Variants in PTPRD observed in about 807,000 individuals in gnomAD.
PTPRD encodes the protein receptor-type tyrosine-protein phosphatase delta.
A neutral mutation model predicts 214.5 loss-of-function variants in PTPRD; 34 were observed. The observed-to-expected ratio is 0.16, with a 90% CI of 0.12 to 0.21. The LOEUF (loss-of-function observed/expected upper bound fraction) is 0.21. Among genes scored for constraint, PTPRD ranks in the 10% least tolerant of loss-of-function variants. PTPRD has a pLI of 1.00. For missense variants in PTPRD, 2,545 were observed against 2,398.7 expected (o/e 1.06, Z -1.27); for synonymous variants, 1,128 against 845.7 (o/e 1.33, Z -5.79).
intron 8 of PTPRD, among the ~76,000 whole-genome samples, chr9:9,515,765 A>T (rs1409322335): frequency 6.6e-6 from 1 of 152,014 alleles, no homozygotes; most frequent in East Asian, 1.9e-4. Flanking sequence ...AAAAAGTTTG[A>T]TGTTCTTAAG....
At chr9:8,705,108 G>A (rs1318012488) in intron 12 of PTPRD, among the ~76,000 whole-genome samples, 2 of 151,874 alleles carry the variant, frequency 1.3e-5, no homozygotes, top group African/African-American at 4.8e-5. Context: ...TTAAAAAAAG[G>A]GCTCAGTGTT....
At chr9:10,598,714 G>GTGTGGTGTT (rs1056104594) in intron 2 of PTPRD, among the ~76,000 whole-genome samples, 9 of 66,322 alleles carry the variant, frequency 1.4e-4, no homozygotes, top group African/African-American at 3.3e-4. Flanking sequence ...GGTGTGTGGT[G>GTGTGGTGTT]TGTGTGTGTG....
intron 2 of PTPRD, among the ~76,000 whole-genome samples, chr9:10,530,443 T>C (rs888354124): frequency 6.6e-6 from 1 of 152,194 alleles, no homozygotes; most frequent in Non-Finnish European, 1.5e-5. Flanking sequence ...TTGCAAAAAG[T>C]ACATTTTTTT....
At chr9:10,570,464 C>T (rs1018822182) in intron 2 of PTPRD, among the ~76,000 whole-genome samples, 1 of 152,048 alleles carries the variant, frequency 6.6e-6, no homozygotes, top group Non-Finnish European at 1.5e-5. Context: ...ATTGAAAGGA[C>T]AGATATTGAT....
At chr9:10,152,611 A>T (rs2099068255) in intron 3 of PTPRD, among the ~76,000 whole-genome samples, 1 of 152,174 alleles carries the variant, frequency 6.6e-6, no homozygotes, top group African/African-American at 2.4e-5. Flanking sequence ...GGATCACCTG[A>T]GGTCAGGAGT....
At chr9:10,500,208 G>A (rs2043240062) in intron 2 of PTPRD, among the ~76,000 whole-genome samples, 1 of 151,722 alleles carries the variant, frequency 6.6e-6, no homozygotes, top group African/African-American at 2.4e-5. Flanking sequence ...CATTCTGTAG[G>A]TCAGTAAACT....
chr9:10,574,903 C>CA (rs2068715315), intron 2 of PTPRD, among the ~76,000 whole-genome samples: 1 of 149,562 alleles, frequency 6.7e-6, no homozygotes, highest in African/African-American at 2.5e-5. Context: ...CATTTGTCTA[C>CA]AAAAAAGAAT....
intron 12 of PTPRD, among the ~76,000 whole-genome samples, chr9:8,637,849 C>T (rs565417418): frequency 1.6e-4 from 25 of 152,058 alleles, no homozygotes; most frequent in Non-Finnish European, 3.2e-4. Flanking sequence ...TATCATACCA[C>T]ATGAGAAATG....
chr9:9,713,431 C>G (rs80082068), intron 7 of PTPRD, among the ~76,000 whole-genome samples: 2 of 151,894 alleles, frequency 1.3e-5, no homozygotes, highest in East Asian at 1.9e-4. Context: ...GAAATGTGAG[C>G]CATAATTTTG....
chr9:9,545,230 C>T (rs775794184), intron 8 of PTPRD, among the ~76,000 whole-genome samples: 11 of 151,704 alleles, frequency 7.3e-5, no homozygotes, highest in Admixed American at 5.9e-4. Context: ...AAATGTATAA[C>T]GACACACACT....
intron 3 of PTPRD, among the ~76,000 whole-genome samples, chr9:10,078,652 G>C (rs1295053728): frequency 6.6e-6 from 1 of 151,850 alleles, no homozygotes; most frequent in Non-Finnish European, 1.5e-5. Flanking sequence ...TTCAGACAGT[G>C]AGTTAATCAT....
At chr9:10,256,999 C>T (rs1044876090) in intron 3 of PTPRD, among the ~76,000 whole-genome samples, 2 of 152,104 alleles carry the variant, frequency 1.3e-5, no homozygotes, top group African/African-American at 4.8e-5. Context: ...ACATTTCAGG[C>T]CATGGAGCAC....
At chr9:9,115,018 A>G (rs1188235056) in intron 10 of PTPRD, among the ~76,000 whole-genome samples, 1 of 152,170 alleles carries the variant, frequency 6.6e-6, no homozygotes, top group Non-Finnish European at 1.5e-5. Flanking sequence ...GACCGTGTAT[A>G]AGGTATCCAA....
At chr9:9,972,981 A>G (rs1027717158) in intron 4 of PTPRD, among the ~76,000 whole-genome samples, 3 of 152,184 alleles carry the variant, frequency 2.0e-5, no homozygotes, top group Non-Finnish European at 4.4e-5. Context: ...AGGCATAGAC[A>G]TCTTTTGCAG....
At chr9:9,158,429 G>A (rs377540418) in intron 10 of PTPRD, among the ~76,000 whole-genome samples, 10 of 151,966 alleles carry the variant, frequency 6.6e-5, no homozygotes, top group South Asian at 2.1e-4. Flanking sequence ...CTAAAACTCC[G>A]TCTCTACTAA....
chr9:9,775,893 T>C (rs545128781), intron 5 of PTPRD, among the ~76,000 whole-genome samples: 1 of 138,806 alleles, frequency 7.2e-6, no homozygotes, highest in Non-Finnish European at 1.5e-5. Context: ...GAGGCGGAGC[T>C]TGCAGTGAGC....
At chr9:10,031,754 T>C (rs1393969786) in intron 4 of PTPRD, among the ~76,000 whole-genome samples, 2 of 150,830 alleles carry the variant, frequency 1.3e-5, no homozygotes, top group Non-Finnish European at 2.9e-5. Flanking sequence ...CAGAGCCTAT[T>C]TTTTTTATGG....
intron 3 of PTPRD, among the ~76,000 whole-genome samples, chr9:10,097,537 T>A (rs1230135675): frequency 2.0e-5 from 3 of 151,596 alleles, no homozygotes; most frequent in Admixed American, 2.0e-4. Context: ...TGGCTCTCTG[T>A]TTGTCTGTTA....
At chr9:9,753,431 G>C (rs189511792) in intron 6 of PTPRD, among the ~76,000 whole-genome samples, 344 of 152,146 alleles carry the variant, frequency 2.3e-3, no homozygotes, top group African/African-American at 7.7e-3. Context: ...CTTTGTTCTT[G>C]GTTGCAAAAA....
Sources: allele counts gnomAD v4.1 joint callset (sites outside exome capture counted in the v4.1 genomes callset), GRCh38; gene constraint gnomAD v4.1.1; transcripts MANE v1.5; gene names NCBI Gene and HGNC (gene_info 2026-07-23, HGNC 2026-07-21).